The following SLC16A14 variants were observed in gnomAD, a reference collection of about 807,000 sequenced individuals.
SLC16A14 encodes solute carrier family 16 member 14.
In SLC16A14, 14 loss-of-function variants were observed where a neutral mutation model predicts 35.8. The observed-to-expected ratio is 0.39, with a 90% CI of 0.26 to 0.61. SLC16A14 has a LOEUF of 0.61. Ranked by LOEUF, SLC16A14 falls within the 20% of genes least tolerant of loss-of-function variation. The probability of loss-of-function intolerance (pLI) is 0.51; values close to 1 mark genes in which losing one functional copy is unlikely to be tolerated. For missense variants in SLC16A14, 533 were observed against 655.0 expected (o/e 0.81, Z 2.03); for synonymous variants, 248 against 258.9 (o/e 0.96, Z 0.40).
At chr2:230,062,064 A>C (rs936685393) in intron 1 of SLC16A14, among the ~76,000 whole-genome samples, 1 of 152,160 alleles carries the variant, frequency 6.6e-6, no homozygotes, top group Non-Finnish European at 1.5e-5. Flanking sequence ...ATTGAAATAT[A>C]TTCTTTTAAT....
intron 1 of SLC16A14, 66 bp from the exon 2 acceptor site, chr2:230,059,432 G>T: frequency 7.9e-7 from 1 of 1,271,490 alleles, no homozygotes; most frequent in Non-Finnish European, 1.1e-6. Flanking sequence ...TCTTCTTTGT[G>T]CAGCTCTACC....
At chr2:230,045,039 G>C (rs2077592484) in intron 4 of SLC16A14, among the ~76,000 whole-genome samples, 1 of 152,034 alleles carries the variant, frequency 6.6e-6, no homozygotes, top group East Asian at 1.9e-4. Context: ...CAGATTCTTA[G>C]CTTCCCTTGG....
Position 230,046,050 on chromosome 2 carries a change from A to G in SLC16A14, c.1076T>C (p.Ile359Thr). Residue 359 changes from isoleucine (I) to threonine (T), a missense_variant, in exon 4 of 5, where the codon ATA becomes ACA. By Grantham distance (89) the Ile-to-Thr change is moderately conservative. Coordinates refer to ENST00000295190, the MANE Select transcript of SLC16A14 (RefSeq NM_152527.5). The surrounding 1 kb of genome is among the most constrained non-coding windows in gnomAD (Gnocchi z 5.0). ...QNDVFPLTSI[I>T]AIVHIFGKVI... ...TTTTCCAAAGATGTGAACTATTGCT[A>G]TAATTGACGTCAGAGGGAAAACGTC... 2.5e-6 allele frequency: 4 copies of G among 1,614,224 alleles called. No homozygotes were observed. Among genetic ancestry groups the G allele is most frequent in the Non-Finnish European group, 3.4e-6 (4 of 1,180,008 alleles).
intron 3 of SLC16A14, among the ~76,000 whole-genome samples, chr2:230,047,858 G>A (rs1309721308): frequency 1.3e-5 from 2 of 152,030 alleles, no homozygotes; most frequent in African/African-American, 2.4e-5. Context: ...TGTCAATTAC[G>A]ACTAAAATAG....
chr2:230,051,937 CTTT>C (rs11303379), intron 2 of SLC16A14, among the ~76,000 whole-genome samples: 6 of 139,360 alleles, frequency 4.3e-5, no homozygotes, highest in African/African-American at 5.3e-5. Flanking sequence ...ATTAAACATA[CTTT>C]TTTTTTTTTT....
intron 1 of SLC16A14, among the ~76,000 whole-genome samples, chr2:230,059,820 C>CTAGCAGAGGATCTGGTTCTCAG (rs1193471139): frequency 1.3e-5 from 2 of 152,162 alleles, no homozygotes; most frequent in Non-Finnish European, 2.9e-5. Context: ...GGTGGGGTCC[C>CTAGCAGAGGATCTGGTTCTCAG]TAGCAGAGGA....
At chr2:230,059,980 T>A (rs2077738365) in intron 1 of SLC16A14, among the ~76,000 whole-genome samples, 2 of 152,186 alleles carry the variant, frequency 1.3e-5, no homozygotes, top group Admixed American at 1.3e-4. Context: ...TTTCTAATAA[T>A]GGTGGTACTT....
intron 1 of SLC16A14, among the ~76,000 whole-genome samples, chr2:230,067,696 C>A (rs973119921): frequency 6.6e-6 from 1 of 152,218 alleles, no homozygotes; most frequent in East Asian, 1.9e-4. Context: ...CCCGAATCAA[C>A]TTTTCCTCAG....
chr2:230,067,155 T>A (rs1362598522), intron 1 of SLC16A14: 1 of 153,964 alleles, frequency 6.5e-6, no homozygotes, highest in Non-Finnish European at 1.4e-5. Context: ...TACAGGGCAT[T>A]TGGGGCCTTT....
intron 3 of SLC16A14, among the ~76,000 whole-genome samples, chr2:230,047,963 A>G (rs2077623193): frequency 6.6e-6 from 1 of 152,256 alleles, no homozygotes; most frequent in Non-Finnish European, 1.5e-5. Context: ...CAAAGGATAC[A>G]GAAGTGCTTT....
chr2:230,066,487 G>T (rs1245949954), intron 1 of SLC16A14, among the ~76,000 whole-genome samples: 2 of 152,026 alleles, frequency 1.3e-5, no homozygotes, highest in African/African-American at 4.8e-5. Context: ...TTGTAAATGG[G>T]GGGTAACATA....
chr2:230,046,218 C>T lies in SLC16A14; in HGVS notation c.908G>A (p.Gly303Asp). The T allele has an allele frequency of 6.2e-7, 1 of 1,614,180 alleles. No homozygotes were observed. Among genetic ancestry groups the T allele is most frequent in the Non-Finnish European group, 8.5e-7 (1 of 1,180,028 alleles). Residue 303 changes from glycine (G) to aspartate (D), a missense_variant, in exon 4 of 5, where the codon GGC becomes GAC. By Grantham distance (94) the Gly-to-Asp change is moderately conservative (BLOSUM62 -1). Transcript: ENST00000295190. The surrounding 1 kb of genome is among the most constrained non-coding windows in gnomAD (Gnocchi z 5.0). ...VRKGFEDWYSGYFGTASLFTN... is the reference protein window; with the variant it reads ...VRKGFEDWYSDYFGTASLFTN... ...AAATAGAGAGGCTGTCCCAAAGTAGCCCGAATACCAGTCCTCGAAGCCCTT... is the reference window on the plus strand; with the variant it reads ...AAATAGAGAGGCTGTCCCAAAGTAGTCCGAATACCAGTCCTCGAAGCCCTT...
chr2:230,064,749 G>A (rs1301800736), intron 1 of SLC16A14, among the ~76,000 whole-genome samples: 1 of 152,190 alleles, frequency 6.6e-6, no homozygotes, highest in Admixed American at 6.5e-5. Flanking sequence ...GGTGGCTTAT[G>A]CCTGTAATCC....
chr2:230,044,718 G>A (rs1004669463), intron 4 of SLC16A14, among the ~76,000 whole-genome samples: 2 of 118,744 alleles, frequency 1.7e-5, no homozygotes, highest in Non-Finnish European at 3.5e-5. Flanking sequence ...GTGTGTGTGT[G>A]TGTGTGTGTG....
At chr2:230,050,605 C>T (rs12990532) in intron 2 of SLC16A14, among the ~76,000 whole-genome samples, 130,938 of 152,186 alleles carry the variant, frequency 0.86, 57,180 homozygotes, top group East Asian at 0.99. Flanking sequence ...TGTCTGTGTA[C>T]AGACATATAT....
At chr2:230,067,406 A>G (rs2077807907) in intron 1 of SLC16A14, among the ~76,000 whole-genome samples, 1 of 152,218 alleles carries the variant, frequency 6.6e-6, no homozygotes, top group African/African-American at 2.4e-5. Flanking sequence ...CTGAGCCATC[A>G]AATGGGAGCA....
intron 1 of SLC16A14, among the ~76,000 whole-genome samples, chr2:230,061,867 G>A (rs2077754584): frequency 6.6e-6 from 1 of 150,968 alleles, no homozygotes; most frequent in Non-Finnish European, 1.5e-5. Flanking sequence ...TCAGCCTCCT[G>A]AGTAGCTGGG....
intron 2 of SLC16A14, among the ~76,000 whole-genome samples, chr2:230,055,523 C>T (rs1265383279): frequency 6.6e-6 from 1 of 152,130 alleles, no homozygotes; most frequent in Non-Finnish European, 1.5e-5. Context: ...TCTGAAATTC[C>T]ACAGTCTGGA....
intron 1 of SLC16A14, among the ~76,000 whole-genome samples, chr2:230,063,676 T>G (rs2077769252): frequency 6.6e-6 from 1 of 152,188 alleles, no homozygotes. Flanking sequence ...TCTTTGTTAT[T>G]TCTACTAAGA....
Sources: gnomAD v4.1 joint callset for allele counts (sites outside exome capture counted in the v4.1 genomes callset) on GRCh38, gnomAD v4.1.1 for gene constraint, Gnocchi (gnomAD v3.1) non-coding constraint, MANE v1.5 for transcripts, NCBI Gene and HGNC (gene_info 2026-07-23, HGNC 2026-07-21) for gene names.